Variants in GRM8 observed in about 807,000 individuals in gnomAD.
The protein encoded by GRM8 is glutamate metabotropic receptor 8.
A neutral mutation model predicts 87.2 loss-of-function variants in GRM8; 47 were observed. The observed-to-expected ratio is 0.54, with a 90% confidence interval of 0.43 to 0.69. The LOEUF (loss-of-function observed/expected upper bound fraction) is 0.69. GRM8 is among the 30% of genes least tolerant of loss of function. GRM8 has a pLI of 0.00. For synonymous variants in GRM8, 396 were observed against 404.5 expected, an observed-to-expected ratio of 0.98 and a Z score of 0.25; for missense variants, 1,019 against 1,139.2, an observed-to-expected ratio of 0.89 and a Z score of 1.52.
intron 6 of GRM8, among the ~76,000 whole-genome samples, chr7:126,825,185 G>A (rs1184201567): frequency 6.6e-6 from 1 of 152,022 alleles, no homozygotes; most frequent in East Asian, 1.9e-4. Flanking sequence ...CTCCTGCCCA[G>A]CCTCCTGAGT....
chr7:126,836,270 A>G (rs940615233), intron 6 of GRM8, among the ~76,000 whole-genome samples: 2 of 152,174 alleles, frequency 1.3e-5, no homozygotes, highest in Non-Finnish European at 2.9e-5. Context: ...TACTCATTGT[A>G]TATAAGAAAA....
chr7:127,242,842 C>G lies in GRM8; in HGVS notation c.363G>C (p.Gln121His). Residue 121 changes from glutamine (Q) to histidine (H), a missense_variant, in exon 2 of 11, where the codon CAG (glutamine) becomes CAC (histidine). Physicochemically the swap from Gln to His is conservative, Grantham distance 24. Transcript: ENST00000339582. The part of the protein sequence containing the change: ...YALEQSLTFV[Q>H]ALIEKDASDV... The stretch of plus-strand genomic sequence containing the variant: ...CCGAAGCATCTTTCTCTATTAATGC[C>G]TGCACGAATGTTAGAGACTGCTCCA... 6.2e-7 allele frequency: 1 copy of G among 1,614,146 alleles called. No individual in the cohort carries two copies.
intron 10 of GRM8, among the ~76,000 whole-genome samples, chr7:126,440,178 C>T (rs1174463990): frequency 6.6e-6 from 1 of 151,684 alleles, no homozygotes; most frequent in East Asian, 1.9e-4. Flanking sequence ...CTTTGGGAGG[C>T]CTAGGCAGGT....
intron 2 of GRM8, among the ~76,000 whole-genome samples, chr7:127,227,984 C>T (rs1797447367): frequency 6.6e-6 from 1 of 152,170 alleles, no homozygotes; most frequent in African/African-American, 2.4e-5. Flanking sequence ...CATTAAAAGG[C>T]TTAATTTTCC....
In GRM8 at chr7:126,533,710, G is replaced by A. The variant is rs1584972037; in HGVS notation, c.1672C>T (p.Leu558=). The A allele has an allele frequency of 6.2e-7, 1 of 1,614,118 alleles. No homozygotes were observed. The highest frequency in any genetic ancestry group is 8.5e-7 in the Non-Finnish European group (1 of 1,180,008). ...CGGTTCATGTTGGGTCTCTGATCCA[G>A]AGGGCAAAGTTCACAGGACAGCTCA... ...VDELSCELCP[L]DQRPNMNRTG... Residue 558 remains leucine (L), a synonymous_variant, in exon 9 of 11, where the codon CTG becomes TTG. Coordinates refer to ENST00000339582, the MANE Select transcript of GRM8 (RefSeq NM_000845.3).
chr7:127,238,650 A>G (rs899854880), intron 2 of GRM8, among the ~76,000 whole-genome samples: 2 of 152,360 alleles, frequency 1.3e-5, no homozygotes, highest in South Asian at 4.1e-4. Context: ...GATCTACGCC[A>G]CATGGCATCT....
intron 9 of GRM8, among the ~76,000 whole-genome samples, chr7:126,453,743 A>C (rs1180589799): frequency 6.6e-6 from 1 of 151,822 alleles, no homozygotes; most frequent in Non-Finnish European, 1.5e-5. Context: ...AAACAGAGTA[A>C]ATTTTTAAAA....
rs150694770 is a variant in GRM8 at position 126,630,241 on chromosome 7, C to T, written c.1358-20743G>A. ...ATTAAAATCATAGAGTGCTATTTAA[C>T]AGATAACAATATATCAAAATACCTA... is the stretch of plus-strand genomic sequence containing the variant. On this transcript the variant is annotated intron_variant, in intron 7 of 10. Transcript: ENST00000339582. Among the ~76,000 whole-genome samples, 92 of 151,978 alleles carry T rather than the reference C, an allele frequency of 6.1e-4. 1 individual carries two copies. Among genetic ancestry groups the T allele is most frequent in the African/African-American group, 2.0e-3 (84 of 41,492 alleles).
At chr7:126,607,801 A>T (rs1322927854) in intron 8 of GRM8, among the ~76,000 whole-genome samples, 1 of 150,648 alleles carries the variant, frequency 6.6e-6, no homozygotes, top group Non-Finnish European at 1.5e-5. Flanking sequence ...GCACCCACTA[A>T]CTCGTCATCT....
At chr7:126,487,383 A>G (rs1212222446) in intron 9 of GRM8, among the ~76,000 whole-genome samples, 1 of 151,838 alleles carries the variant, frequency 6.6e-6, no homozygotes, top group Non-Finnish European at 1.5e-5. Context: ...CCTGTTCTCA[A>G]CCTCCCAAGT....
chr7:126,941,415 G>A (rs2518957), intron 3 of GRM8, among the ~76,000 whole-genome samples: 57,672 of 147,868 alleles, frequency 0.39, 11,583 homozygotes, highest in East Asian at 0.66. Flanking sequence ...AGACCACCCT[G>A]GCCAACACAG....
At chr7:127,048,986 G>A (rs1418495097) in intron 3 of GRM8, among the ~76,000 whole-genome samples, 1 of 152,072 alleles carries the variant, frequency 6.6e-6, no homozygotes, top group African/African-American at 2.4e-5. Context: ...ATAGACTTGG[G>A]AATTTATTTA....
chr7:126,963,735 A>G (rs1219772618), intron 3 of GRM8, among the ~76,000 whole-genome samples: 1 of 152,218 alleles, frequency 6.6e-6, no homozygotes, highest in African/African-American at 2.4e-5. Context: ...AAATGGCCAT[A>G]CTGCCCAAAG....
At chr7:126,908,453 CT>C (rs1046968317) in intron 3 of GRM8, among the ~76,000 whole-genome samples, 2 of 152,138 alleles carry the variant, frequency 1.3e-5, no homozygotes, top group African/African-American at 4.8e-5. Context: ...GGAACAATAG[CT>C]GTTTCAAAAG....
chr7:127,245,764 T>C (rs181373756), intron 1 of GRM8, among the ~76,000 whole-genome samples: 2 of 152,338 alleles, frequency 1.3e-5, no homozygotes, highest in African/African-American at 4.8e-5. Context: ...TCATTTCAGT[T>C]TCATTTATTG....
chr7:127,072,515 A>G (rs2132690218), intron 3 of GRM8, among the ~76,000 whole-genome samples: 1 of 152,214 alleles, frequency 6.6e-6, no homozygotes. Context: ...GAAACTTTTT[A>G]GCATTTATAT....
At chr7:126,861,983 G>T in intron 6 of GRM8, among the ~76,000 whole-genome samples, 1 of 151,146 alleles carries the variant, frequency 6.6e-6, no homozygotes. Context: ...GTTTTGTTTG[G>T]GTTTTGTTTG....
chr7:126,957,121 A>G (rs1026412549), intron 3 of GRM8, among the ~76,000 whole-genome samples: 1 of 152,172 alleles, frequency 6.6e-6, no homozygotes, highest in African/African-American at 2.4e-5. Flanking sequence ...AGATGCTGCA[A>G]TGTATCTACT....
At chr7:126,829,668 T>C (rs992003868) in intron 6 of GRM8, among the ~76,000 whole-genome samples, 5 of 152,172 alleles carry the variant, frequency 3.3e-5, no homozygotes, top group African/African-American at 1.2e-4. Context: ...TTTGCCAGTC[T>C]GTGTCTTTTA....
Sources: gnomAD v4.1 joint callset for allele counts (sites outside exome capture counted in the v4.1 genomes callset) on GRCh38, gnomAD v4.1.1 for gene constraint, MANE v1.5 for transcripts, NCBI Gene and HGNC (gene_info 2026-07-23, HGNC 2026-07-21) for gene names.